The following LRP1B variants were observed in gnomAD, a reference collection of about 807,000 sequenced individuals.
LRP1B encodes LDL receptor related protein 1B.
A neutral mutation model predicts 556.6 loss-of-function variants in LRP1B; 217 were observed. The observed-to-expected ratio is 0.39, with a 90% CI of 0.35 to 0.44. LRP1B has a LOEUF of 0.44. LRP1B is among the 20% of genes least tolerant of loss of function. The pLI, the probability that LRP1B is intolerant of heterozygous loss-of-function variation, is 1.00. For synonymous variants in LRP1B, 2,047 were observed against 1,865.8 expected (o/e 1.10, Z -2.50); for missense variants, 5,053 against 5,620.8 (o/e 0.90, Z 3.23).
chr2:141,548,171 T>C (rs1685619338), intron 2 of LRP1B, among the ~76,000 whole-genome samples: 1 of 152,212 alleles, frequency 6.6e-6, no homozygotes, highest in Non-Finnish European at 1.5e-5. Context: ...TTTCCTCATC[T>C]ATACAACAGA....
intron 1 of LRP1B, among the ~76,000 whole-genome samples, chr2:141,863,662 A>C (rs1698320490): frequency 6.6e-6 from 1 of 152,210 alleles, no homozygotes; most frequent in South Asian, 2.1e-4. Flanking sequence ...ATGACTATGT[A>C]CCACTTCCCC....
chr2:141,821,499 T>C (rs915871313), intron 1 of LRP1B, among the ~76,000 whole-genome samples: 2 of 152,200 alleles, frequency 1.3e-5, no homozygotes, highest in African/African-American at 4.8e-5. Context: ...CCAGCAATAA[T>C]GACTAGAAGC....
intron 79 of LRP1B, among the ~76,000 whole-genome samples, chr2:140,328,314 A>G (rs1419300655): frequency 6.6e-6 from 1 of 151,982 alleles, no homozygotes; most frequent in Non-Finnish European, 1.5e-5. Flanking sequence ...TTAGTGACAC[A>G]GGATAATGGA....
At chr2:141,256,244 A>G (rs1452503926) in intron 3 of LRP1B, among the ~76,000 whole-genome samples, 1 of 151,962 alleles carries the variant, frequency 6.6e-6, no homozygotes, top group Non-Finnish European at 1.5e-5. Flanking sequence ...GATAGACAAA[A>G]TTAATGAGAA....
At chr2:141,255,776 C>T (rs1684438890) in intron 3 of LRP1B, among the ~76,000 whole-genome samples, 1 of 151,668 alleles carries the variant, frequency 6.6e-6, no homozygotes, top group Non-Finnish European at 1.5e-5. Flanking sequence ...ACTGCTTCTC[C>T]TTGGATTTCA....
At chr2:141,416,830 A>C (rs1359621185) in intron 3 of LRP1B, among the ~76,000 whole-genome samples, 1 of 152,136 alleles carries the variant, frequency 6.6e-6, no homozygotes, top group South Asian at 2.1e-4. Flanking sequence ...TTCTGCATGC[A>C]GCCTTGACCC....
Position 140,876,212 on chromosome 2 carries a change from T to G in LRP1B, c.4169+7605A>C, listed in dbSNP as rs142920753. Reference sequence around the variant, plus strand: ...TGAAGTAATCCTTTTGACTTTTTGCTTGAAACATTGCTAATCCTTTTTTTC... The same window carrying G: ...TGAAGTAATCCTTTTGACTTTTTGCGTGAAACATTGCTAATCCTTTTTTTC... On this transcript the variant is annotated intron_variant, in intron 25 of 90. Transcript: ENST00000389484. Among the ~76,000 whole-genome samples the G allele has an allele frequency of 4.4e-3, 664 of 152,306 alleles. 7 individuals are homozygous for G. The highest frequency in any genetic ancestry group is 0.015 in the African/African-American group (610 of 41,568).
chr2:140,441,188 C>T (rs1573942207), intron 66 of LRP1B, among the ~76,000 whole-genome samples: 1 of 152,016 alleles, frequency 6.6e-6, no homozygotes, highest in Non-Finnish European at 1.5e-5. Flanking sequence ...TCAAATCATG[C>T]TAACGTGAGG....
chr2:141,717,808 G>A (rs1692663067), intron 2 of LRP1B, among the ~76,000 whole-genome samples: 1 of 152,172 alleles, frequency 6.6e-6, no homozygotes, highest in African/African-American at 2.4e-5. Flanking sequence ...AAGATTTCAA[G>A]GACAAGATAC....
At position 140,861,029 on chromosome 2, in the gene LRP1B, A is replaced by ATCTAG. The variant is rs1692777961; in HGVS notation, c.4579+6560_4579+6561insCTAGA. On this transcript the variant is annotated intron_variant, in intron 27 of 90. Transcript: ENST00000389484. ...ATCTATCTATCTATCTATCTATCTAATTTATCTAATTTATCTATTTAAGTT... is the reference window on the plus strand; with the variant it reads ...ATCTATCTATCTATCTATCTATCTAATCTAGTTTATCTAATTTATCTATTTAAGTT... Among the ~76,000 whole-genome samples the ATCTAG allele has an allele frequency of 2.3e-5, 3 of 128,264 alleles. No homozygotes were observed. The South Asian group carries it at 7.2e-4, about 31-fold the overall frequency. The allele number at this position is 128,264 out of a possible 152,430, so 84.1% of individuals were successfully genotyped here. A position where few individuals can be genotyped will look rare whatever the true frequency, so the allele number is the denominator to read the frequency against.
At chr2:142,087,704 A>G (rs1415957240) in intron 1 of LRP1B, among the ~76,000 whole-genome samples, 1 of 152,080 alleles carries the variant, frequency 6.6e-6, no homozygotes, top group Non-Finnish European at 1.5e-5. Context: ...ACCACAGAGA[A>G]AGATAAAGTG....
At chr2:141,297,781 T>G (rs948948605) in intron 3 of LRP1B, among the ~76,000 whole-genome samples, 8 of 152,174 alleles carry the variant, frequency 5.3e-5, no homozygotes, top group African/African-American at 1.9e-4. Context: ...TAGTACTGGA[T>G]TTTTCCTGTA....
chr2:141,788,632 T>C (rs1377108680), intron 2 of LRP1B, among the ~76,000 whole-genome samples: 1 of 151,994 alleles, frequency 6.6e-6, no homozygotes, highest in East Asian at 1.9e-4. Flanking sequence ...GCTGCACCTG[T>C]TAACTCATCA....
chr2:141,044,676 T>C (rs1268574727), intron 11 of LRP1B, among the ~76,000 whole-genome samples: 2 of 151,772 alleles, frequency 1.3e-5, no homozygotes, highest in Non-Finnish European at 2.9e-5. Context: ...AAAATGCTCA[T>C]CATCACTGGC....
chr2:140,804,648 A>ATTTTTTTTTTTTTTTTTTTTTTTT (rs1690646115), intron 32 of LRP1B, among the ~76,000 whole-genome samples: 1 of 103,892 alleles, frequency 9.6e-6, no homozygotes, highest in Non-Finnish European at 1.9e-5. Context: ...GGTAAAAACT[A>ATTTTTTTTTTTTTTTTTTTTTTTT]ATTTTTTTTT....
At chr2:141,414,456 A>G (rs1218474320) in intron 3 of LRP1B, among the ~76,000 whole-genome samples, 3 of 151,736 alleles carry the variant, frequency 2.0e-5, no homozygotes, top group Admixed American at 2.0e-4. Context: ...ACAAAAGAAG[A>G]GGCAAGTGTG....
At chr2:141,050,136 G>C (rs1389671586) in intron 10 of LRP1B, among the ~76,000 whole-genome samples, 1 of 151,466 alleles carries the variant, frequency 6.6e-6, no homozygotes, top group African/African-American at 2.4e-5. Flanking sequence ...GCTGTATTTG[G>C]ATAACAACAC....
chr2:141,023,240 AATAT>A (rs1359719684), intron 11 of LRP1B, among the ~76,000 whole-genome samples: 1 of 151,914 alleles, frequency 6.6e-6, no homozygotes, highest in East Asian at 1.9e-4. Flanking sequence ...TGAATGGAGT[AATAT>A]ATAAATAGTG....
chr2:140,478,144 C>CTTTTTTTTTTTTTTTTTTTTTTTTT (rs35948232), intron 59 of LRP1B, among the ~76,000 whole-genome samples: 2 of 62,772 alleles, frequency 3.2e-5, no homozygotes, highest in African/African-American at 5.7e-5. Context: ...TATAACTTAA[C>CTTTTTTTTTTTTTTTTTTTTTTTTT]TTTTTTTTTT....
Sources: allele counts gnomAD v4.1 joint callset (sites outside exome capture counted in the v4.1 genomes callset), GRCh38; gene constraint gnomAD v4.1.1; transcripts MANE v1.5; gene names NCBI Gene and HGNC (gene_info 2026-07-23, HGNC 2026-07-21).